The following SYNM variants were observed in gnomAD, a reference collection of about 807,000 sequenced individuals.
The protein encoded by SYNM is synemin, also known as desmuslin.
A neutral mutation model predicts 104.0 loss-of-function variants in SYNM; 95 were observed. That is an observed-to-expected ratio of 0.91 (90% confidence interval 0.77 to 1.08). The LOEUF (loss-of-function observed/expected upper bound fraction) is 1.08. SYNM is among the 50% of genes least tolerant of loss of function. The probability of loss-of-function intolerance (pLI) is 0.00; values close to 1 mark genes in which losing one functional copy is unlikely to be tolerated. For synonymous variants in SYNM, 918 were observed against 869.0 expected (o/e 1.06, Z -0.99); for missense variants, 2,150 against 2,052.2 (o/e 1.05, Z -0.92).
At chr15:99,128,378 G>A (rs1555485266) in intron 3 of SYNM, among the ~76,000 whole-genome samples, 1 of 152,202 alleles carries the variant, frequency 6.6e-6, no homozygotes, top group Non-Finnish European at 1.5e-5. Flanking sequence ...CTGCACTATT[G>A]CCTGGGGGTT....
chr15:99,114,699 G>A (rs2067330656), intron 2 of SYNM, among the ~76,000 whole-genome samples: 1 of 152,082 alleles, frequency 6.6e-6, no homozygotes, highest in South Asian at 2.1e-4. Context: ...GGTGCTGGGT[G>A]GGGCAGAGAA....
intron 2 of SYNM, among the ~76,000 whole-genome samples, chr15:99,114,227 G>A (rs1352239368): frequency 3.9e-5 from 6 of 152,150 alleles, no homozygotes; most frequent in Admixed American, 3.3e-4. Context: ...CAATCGTGGC[G>A]GAAGGCAAAG....
chr15:99,105,573 G>T lies in SYNM; in HGVS notation c.374G>T (p.Gly125Val). The T allele has an allele frequency of 8.7e-7, 1 of 1,146,146 alleles. No individual in the cohort carries two copies. Among genetic ancestry groups the T allele is most frequent in the Non-Finnish European group, 1.1e-6 (1 of 931,644 alleles). 71.0% of individuals were successfully genotyped at this position (1,146,146 alleles called of 1,614,324 possible). ...CAGCGCGAGCTGCAGGAGGCGCTGG[G>T]CGCGCGCGCCGCCCTCGAGGCGCTG... ...AQQRELQEALGARAALEALLG... is the reference protein window; with the variant it reads ...AQQRELQEALVARAALEALLG... Residue 125 changes from glycine to valine, a missense_variant, in exon 1 of 4, where the codon GGC (glycine) becomes GTC (valine). By Grantham distance (109) the Gly-to-Val change is moderately radical (BLOSUM62 -3). Coordinates refer to ENST00000336292, the MANE Select transcript of SYNM (RefSeq NM_145728.3).
chr15:99,130,777 A>C lies in SYNM; in HGVS notation c.2417A>C (p.Lys806Thr). Reference sequence around the variant, plus strand: ...TCAGTTAATCAGCATCGAAGGACCAAGCAGCCTCAGGAGAACACGACTCAC... The same window carrying C: ...TCAGTTAATCAGCATCGAAGGACCACGCAGCCTCAGGAGAACACGACTCAC... ...TFSVNQHRRT[K>T]QPQENTTHVE... is the part of the protein sequence containing the mutation. The change falls in exon 4 of 4, where the codon AAG becomes ACG. Residue 806 changes from lysine (K) to threonine (T), a missense_variant. Lys to Thr is a moderately conservative substitution (Grantham distance 78). Coordinates refer to ENST00000336292, the MANE Select transcript of SYNM (RefSeq NM_145728.3). 6.2e-7 allele frequency: 1 copy of C among 1,614,024 alleles called. No individual in the cohort carries two copies. Among genetic ancestry groups the C allele is most frequent in the Admixed American group, 1.7e-5 (1 of 60,026 alleles).
At chr15:99,136,309 C>T (rs1596144088), downstream of SYNM, 1 of 152,314 alleles carries the variant, frequency 6.6e-6, no homozygotes, top group Non-Finnish European at 1.5e-5. Context: ...TCAAGAAGTA[C>T]AGAAAGGAAG....
chr15:99,112,953 C>G (rs985085463), intron 1 of SYNM, among the ~76,000 whole-genome samples: 1 of 152,144 alleles, frequency 6.6e-6, no homozygotes, highest in African/African-American at 2.4e-5. Context: ...TCAAGTGATC[C>G]GCCCGCTTCG....
intron 1 of SYNM, among the ~76,000 whole-genome samples, chr15:99,108,085 G>A (rs2067266789): frequency 1.3e-5 from 2 of 151,612 alleles, no homozygotes; most frequent in South Asian, 2.1e-4. Context: ...AGTGATTCTC[G>A]TGCCTCAGCC....
Position 99,134,689 on chromosome 15 carries a change from G to A in SYNM, c.*1631G>A, listed in dbSNP as rs576946547. ...AGGGTGCACGTCTCCCCAGGTCCTG[G>A]GAGTGGCTACCGCAGGTAGTTTCTG... On this transcript the variant is annotated 3_prime_UTR_variant, in exon 4 of 4. Transcript: ENST00000336292. 2 of 152,294 alleles carry A rather than the reference G, an allele frequency of 1.3e-5. No homozygotes were observed. The highest frequency in any genetic ancestry group is 4.8e-5 in the African/African-American group (2 of 41,562). The allele number at this position is 152,294 out of a possible 1,614,324, so 9.4% of individuals were successfully genotyped here. A position where few individuals can be genotyped will look rare whatever the true frequency, so the allele number is the denominator to read the frequency against.
rs138057075 is a variant in SYNM at position 99,123,941 on chromosome 15, G to A, written c.936-2781G>A. ...GACGCCGGGTGGCCCATTAGGGCCT[G>A]GCGCCTGGCCAGAGGCCACATGACA... On this transcript the variant is annotated intron_variant, in intron 2 of 3. Transcript: ENST00000336292. 5.0e-3 allele frequency among the ~76,000 whole-genome samples: 766 copies of A among 152,394 alleles called. 21 individuals are homozygous for A. The East Asian group carries it at 0.053, about 10-fold the overall frequency.
intron 2 of SYNM, among the ~76,000 whole-genome samples, chr15:99,118,669 G>C (rs1319657336): frequency 3.3e-5 from 5 of 152,208 alleles, no homozygotes; most frequent in Admixed American, 1.3e-4. Flanking sequence ...GTAATTTCCA[G>C]AGAGACTTGC....
rs2067233286 is a variant in SYNM, at chr15:99,105,873, A to C, written c.674A>C (p.Glu225Ala). 2 of 1,540,130 alleles carry C rather than the reference A, an allele frequency of 1.3e-6. No homozygotes were observed. Among genetic ancestry groups the C allele is most frequent in the Non-Finnish European group, 1.7e-6 (2 of 1,146,056 alleles). The change falls in exon 1 of 4, where the codon GAA (glutamate) becomes GCA (alanine). Residue 225 changes from glutamate to alanine, a missense_variant. Transcript: ENST00000336292. ...RGQESRLQAE[E>A]ETRLCAQEAE... ...CAGGAGAGCAGACTCCAGGCGGAGG[A>C]AGAGACGCGGCTGTGCGCGCAGGAG...
chr15:99,114,702 G>T (rs73476388), intron 2 of SYNM, among the ~76,000 whole-genome samples: 1 of 152,030 alleles, frequency 6.6e-6, no homozygotes, highest in South Asian at 2.1e-4. Context: ...GCTGGGTGGG[G>T]CAGAGAATGC....
Position 99,118,289 on chromosome 15 carries a change from C to T in SYNM, c.935+4574C>T, listed in dbSNP as rs117299317. 5.8e-4 allele frequency among the ~76,000 whole-genome samples: 88 copies of T among 152,392 alleles called. 5 individuals carry two copies. The East Asian group carries it at 0.015, about 25-fold the overall frequency. On this transcript the variant is annotated intron_variant, in intron 2 of 3. Coordinates refer to ENST00000336292, the MANE Select transcript of SYNM (RefSeq NM_145728.3). ...TGTGAGTCTTGCTCAGTAGTCTGCA[C>T]TGCTCCGATTCGGAGGACAGGTGTG...
At chr15:99,119,379 G>A (rs928654578) in intron 2 of SYNM, among the ~76,000 whole-genome samples, 2 of 152,204 alleles carry the variant, frequency 1.3e-5, no homozygotes, top group South Asian at 4.1e-4. Flanking sequence ...AGTTGGCCTC[G>A]TAACAAAATC....
At chr15:99,107,336 T>C (rs1386039603) in intron 1 of SYNM, among the ~76,000 whole-genome samples, 1 of 152,110 alleles carries the variant, frequency 6.6e-6, no homozygotes, top group Non-Finnish European at 1.5e-5. Flanking sequence ...CCTATACTCG[T>C]TGTTGAGTGA....
intron 3 of SYNM, 71 bp from the exon 4 acceptor site, chr15:99,129,296 A>C (rs2067474822): frequency 1.3e-6 from 2 of 1,566,768 alleles, no homozygotes; most frequent in Admixed American, 1.7e-5. Context: ...TTTGGCCTGC[A>C]ACAATGCTTG....
chr15:99,116,121 A>G (rs966867810), intron 2 of SYNM, among the ~76,000 whole-genome samples: 1 of 152,194 alleles, frequency 6.6e-6, no homozygotes, highest in African/African-American at 2.4e-5. Context: ...CCCATTTGAG[A>G]GCCTTGCTGC....
chr15:99,124,754 G>C (rs1273144118), intron 2 of SYNM, among the ~76,000 whole-genome samples: 2 of 152,162 alleles, frequency 1.3e-5, no homozygotes, highest in Non-Finnish European at 2.9e-5. Context: ...TGACCAAGAC[G>C]CTGTCTCTGC....
intron 2 of SYNM, among the ~76,000 whole-genome samples, chr15:99,125,620 G>C (rs1167137404): frequency 6.6e-6 from 1 of 152,226 alleles, no homozygotes; most frequent in Non-Finnish European, 1.5e-5. Flanking sequence ...ATACAACTCA[G>C]TGCAGTTTGT....
Sources: gnomAD v4.1 joint callset for allele counts (sites outside exome capture counted in the v4.1 genomes callset) on GRCh38, gnomAD v4.1.1 for gene constraint, MANE v1.5 for transcripts, NCBI Gene and HGNC (gene_info 2026-07-23, HGNC 2026-07-21) for gene names.